Variants in PHLPP1 observed in about 807,000 individuals in gnomAD.
The protein encoded by PHLPP1 is PH domain and leucine rich repeat protein phosphatase 1.
PHLPP1 carries 42 observed loss-of-function variants against 117.2 expected under a neutral mutation model. The ratio of observed to expected loss-of-function variants is 0.36; its 90% confidence interval spans 0.28 to 0.46. The LOEUF (loss-of-function observed/expected upper bound fraction) is 0.46. Among genes scored for constraint, PHLPP1 ranks in the 20% least tolerant of loss-of-function variants. PHLPP1 has a pLI of 1.00. For missense variants in PHLPP1, 2,084 were observed against 2,241.9 expected (o/e 0.93, Z 1.42); for synonymous variants, 1,042 against 970.7 (o/e 1.07, Z -1.37).
chr18:62,954,879 G>A (rs1910568380), intron 12 of PHLPP1, among the ~76,000 whole-genome samples: 1 of 152,128 alleles, frequency 6.6e-6, no homozygotes, highest in African/African-American at 2.4e-5. Flanking sequence ...GAAAATGATT[G>A]TCATGTGCCA....
chr18:62,809,576 C>A (rs1914053208), intron 1 of PHLPP1, among the ~76,000 whole-genome samples: 1 of 152,052 alleles, frequency 6.6e-6, no homozygotes, highest in African/African-American at 2.4e-5. Flanking sequence ...GTGGTGGGAG[C>A]CTGTAGTCCC....
intron 1 of PHLPP1, among the ~76,000 whole-genome samples, chr18:62,825,200 C>G (rs1378328654): frequency 1.3e-5 from 2 of 151,846 alleles, no homozygotes; most frequent in Non-Finnish European, 2.9e-5. Flanking sequence ...CTCAAGTAAT[C>G]CACCCACTTC....
intron 1 of PHLPP1, among the ~76,000 whole-genome samples, chr18:62,760,865 T>C (rs879304628): frequency 6.6e-6 from 1 of 152,076 alleles, no homozygotes; most frequent in Non-Finnish European, 1.5e-5. Flanking sequence ...TTTTGTTTTG[T>C]TTTGTTTTAT....
At chr18:62,945,439 G>T (rs973724040) in intron 12 of PHLPP1, among the ~76,000 whole-genome samples, 168 bp downstream of exon 12, 2 of 152,192 alleles carry the variant, frequency 1.3e-5, no homozygotes, top group African/African-American at 4.8e-5. Flanking sequence ...CGTTGAGTCG[G>T]CAGAGTTAAA....
At chr18:62,954,995 C>T (rs184995238) in intron 12 of PHLPP1, among the ~76,000 whole-genome samples, 6 of 152,308 alleles carry the variant, frequency 3.9e-5, no homozygotes, top group Admixed American at 1.3e-4. Context: ...AATCCCTGCT[C>T]TCTAGGAGGC....
chr18:62,810,788 A>G (rs976062757), intron 1 of PHLPP1, among the ~76,000 whole-genome samples: 2 of 152,230 alleles, frequency 1.3e-5, no homozygotes, highest in Admixed American at 6.5e-5. Context: ...AGGTAGTACT[A>G]TAAATAGTTA....
chr18:62,848,630 AT>A, intron 3 of PHLPP1, among the ~76,000 whole-genome samples: 1 of 151,798 alleles, frequency 6.6e-6, no homozygotes, highest in African/African-American at 2.4e-5. Context: ...CTCCCAGCTA[AT>A]TTTTGTATTT....
intron 7 of PHLPP1, 25 bp downstream of exon 7, chr18:62,903,191 G>T: frequency 1.3e-6 from 2 of 1,518,168 alleles, no homozygotes; most frequent in Non-Finnish European, 1.8e-6. Context: ...CTACATCAAA[G>T]TTGCTCTTTT....
rs1297336371 is a variant in PHLPP1, at chr18:62,849,828, A to ATATATATATATATATAT, written c.1900-10607_1900-10606insTATATATATATATATAT. 2.6e-3 allele frequency among the ~76,000 whole-genome samples: 67 copies of ATATATATATATATATAT among 26,084 alleles called. 4 individuals are homozygous for ATATATATATATATATAT. Among genetic ancestry groups the ATATATATATATATATAT allele is most frequent in the Non-Finnish European group, 4.7e-3 (55 of 11,676 alleles). 17.1% of individuals were successfully genotyped at this position (26,084 alleles called of 152,430 possible). ...AAAAAAAAAAAAAAAAAAAAAAAAA[A>ATATATATATATATATAT]AAAAATATATATATCCTTTAAAGTT... On this transcript the variant is annotated intron_variant, in intron 3 of 16. Transcript: ENST00000262719.
intron 4 of PHLPP1, among the ~76,000 whole-genome samples, chr18:62,883,992 A>G (rs1198314217): frequency 1.3e-5 from 2 of 152,234 alleles, no homozygotes; most frequent in Admixed American, 6.5e-5. Context: ...TTAATACACA[A>G]CCAGATACAT....
intron 2 of PHLPP1, among the ~76,000 whole-genome samples, chr18:62,837,229 C>T (rs1463255703): frequency 6.6e-6 from 1 of 152,120 alleles, no homozygotes; most frequent in Non-Finnish European, 1.5e-5. Flanking sequence ...TGGGCTCAAG[C>T]GATCTGTCCC....
intron 1 of PHLPP1, among the ~76,000 whole-genome samples, chr18:62,735,429 G>A (rs1911344171): frequency 6.6e-6 from 1 of 152,068 alleles, no homozygotes; most frequent in Non-Finnish European, 1.5e-5. Flanking sequence ...ATTTCTGAGA[G>A]TAGGGATTGT....
At chr18:62,845,131 A>G (rs186626855) in intron 3 of PHLPP1, among the ~76,000 whole-genome samples, 9 of 152,310 alleles carry the variant, frequency 5.9e-5, no homozygotes, top group Non-Finnish European at 1.3e-4. Context: ...CATGGTGACG[A>G]TGAAAACAGC....
intron 10 of PHLPP1, among the ~76,000 whole-genome samples, chr18:62,927,351 G>T (rs1353439262): frequency 2.0e-5 from 3 of 151,988 alleles, no homozygotes; most frequent in Non-Finnish European, 4.4e-5. Flanking sequence ...AAATAAGAAA[G>T]CAAAAAACAA....
chr18:62,975,776 A>G (rs995684069), intron 16 of PHLPP1, among the ~76,000 whole-genome samples, 151 bp downstream of exon 16: 4 of 152,244 alleles, frequency 2.6e-5, no homozygotes, highest in African/African-American at 9.6e-5. Flanking sequence ...ATCACAAAGC[A>G]GATGTCTTAC....
At chr18:62,961,911 AT>A (rs1171470748) in intron 13 of PHLPP1, among the ~76,000 whole-genome samples, 8 of 152,306 alleles carry the variant, frequency 5.3e-5, no homozygotes, top group African/African-American at 1.7e-4. Flanking sequence ...GCCATCAGTT[AT>A]TTCTAGTTAC....
In PHLPP1 at chr18:62,979,565, A is replaced by C. The variant is rs527294866; in HGVS notation, c.*134A>C. 2.1e-6 allele frequency: 2 copies of C among 937,822 alleles called. No homozygotes were observed. The highest frequency in any genetic ancestry group is 3.3e-5 in the African/African-American group (2 of 59,948). 58.1% of individuals were successfully genotyped at this position (937,822 alleles called of 1,614,324 possible). On this transcript the variant is annotated 3_prime_UTR_variant, in exon 17 of 17. Transcript: ENST00000262719. The stretch of plus-strand genomic sequence containing the variant: ...CTGTTCCCAACCTGTCATCGCAGCT[A>C]ATCTGTAGGTTCTCTTTCTTTGGGT...
At chr18:62,946,801 C>T (rs903227068) in intron 12 of PHLPP1, among the ~76,000 whole-genome samples, 2 of 152,124 alleles carry the variant, frequency 1.3e-5, no homozygotes, top group Admixed American at 1.3e-4. Context: ...CGCCGGTAAT[C>T]CCAGCACTTT....
chr18:62,974,847 A>G (rs183488562), intron 15 of PHLPP1, among the ~76,000 whole-genome samples: 29 of 152,330 alleles, frequency 1.9e-4, no homozygotes, highest in African/African-American at 7.0e-4. Context: ...TATATAGGGC[A>G]GGAACATGAA....
Sources: allele counts gnomAD v4.1 joint callset (sites outside exome capture counted in the v4.1 genomes callset), GRCh38; gene constraint gnomAD v4.1.1; transcripts MANE v1.5; gene names NCBI Gene and HGNC (gene_info 2026-07-23, HGNC 2026-07-21).